The following ZNF618 variants were observed in gnomAD, a reference collection of about 807,000 sequenced individuals.
The protein encoded by ZNF618 is zinc finger protein 618.
A neutral mutation model predicts 103.0 loss-of-function variants in ZNF618; 34 were observed. The ratio of observed to expected loss-of-function variants is 0.33; its 90% CI spans 0.25 to 0.44. The LOEUF is 0.44. ZNF618 is among the 20% of genes least tolerant of loss of function. ZNF618 has a pLI of 1.00. For missense variants in ZNF618, 1,059 were observed against 1,295.4 expected, an observed-to-expected ratio of 0.82 and a Z score of 2.80; for synonymous variants, 551 against 542.2, an observed-to-expected ratio of 1.02 and a Z score of -0.23.
intron 1 of ZNF618, among the ~76,000 whole-genome samples, chr9:113,920,164 G>C (rs1026658021): frequency 2.0e-5 from 3 of 152,148 alleles, no homozygotes; most frequent in African/African-American, 4.8e-5. Context: ...CCAAGTTCCT[G>C]ACAGGCCTCA....
intron 10 of ZNF618, among the ~76,000 whole-genome samples, chr9:114,017,257 TG>T (rs1842725852): frequency 6.6e-6 from 1 of 152,004 alleles, no homozygotes; most frequent in African/African-American, 2.4e-5. Flanking sequence ...GCTAAGGAGG[TG>T]GCAGGAACCC....
rs1564325687 is a variant in ZNF618 at position 114,032,638 on chromosome 9, CA to C, written c.1085-6del. On this transcript the variant is annotated splice_polypyrimidine_tract_variant and splice_region_variant and intron_variant, in intron 11 of 14. Transcript: ENST00000374126. ...TGTTTTCTTTCTCTCTCCTGTCCCC[CA>C]CCCAGCAGAAAGCGCTTTCAGTCGG... 1 of 1,613,752 alleles carries C rather than the reference CA, an allele frequency of 6.2e-7. No homozygotes were observed. The highest frequency in any genetic ancestry group is 1.1e-5 in the South Asian group (1 of 91,082).
At position 114,016,683 on chromosome 9, in the gene ZNF618, C is replaced by T. The variant is rs770535459; in HGVS notation, c.755-12C>T. On this transcript the variant is annotated splice_polypyrimidine_tract_variant and intron_variant, in intron 9 of 14. Transcript: ENST00000374126. ...TTGCACATTCTTACACCTTCGTTTC[C>T]TTCCTGGACAGAAACTGGCAATTAC... 8.1e-6 allele frequency: 13 copies of T among 1,612,402 alleles called. No homozygotes were observed. In the Admixed American group the frequency reaches 2.0e-4, roughly 25 times the overall value.
intron 1 of ZNF618, among the ~76,000 whole-genome samples, chr9:113,926,928 A>G (rs568853962): frequency 2.2e-4 from 34 of 152,278 alleles, no homozygotes; most frequent in Non-Finnish European, 4.6e-4. Context: ...TGGGAGGATC[A>G]CTTGAGCCTG....
intron 11 of ZNF618, among the ~76,000 whole-genome samples, chr9:114,032,140 T>A (rs1008745768): frequency 2.0e-5 from 3 of 152,200 alleles, no homozygotes; most frequent in African/African-American, 7.2e-5. Flanking sequence ...ACCCCTGCTC[T>A]CCCTGTCACG....
chr9:114,037,861 A>G (rs944282205), intron 13 of ZNF618, among the ~76,000 whole-genome samples: 1 of 152,214 alleles, frequency 6.6e-6, no homozygotes, highest in Non-Finnish European at 1.5e-5. Context: ...AAATCAGGAC[A>G]GAGCTCTGGA....
intron 10 of ZNF618, among the ~76,000 whole-genome samples, chr9:114,021,767 T>C (rs987062205): frequency 3.3e-5 from 5 of 152,128 alleles, no homozygotes; most frequent in Admixed American, 1.3e-4. Context: ...CTAATCTGCT[T>C]CCTATTACTG....
At chr9:113,938,777 C>T (rs1036563263) in intron 1 of ZNF618, among the ~76,000 whole-genome samples, 2 of 151,898 alleles carry the variant, frequency 1.3e-5, no homozygotes, top group Non-Finnish European at 2.9e-5. Flanking sequence ...ATCATGTTGG[C>T]CAGGCTGGTC....
chr9:113,890,119 G>C (rs1022084132), intron 1 of ZNF618, among the ~76,000 whole-genome samples: 8 of 152,170 alleles, frequency 5.3e-5, no homozygotes, highest in African/African-American at 1.9e-4. Flanking sequence ...TTTGGTTTCT[G>C]AGTGTTAAAT....
At chr9:113,943,918 G>A (rs991103742) in intron 1 of ZNF618, among the ~76,000 whole-genome samples, 8 of 152,198 alleles carry the variant, frequency 5.3e-5, no homozygotes, top group African/African-American at 1.9e-4. Flanking sequence ...TTGCTTTGCT[G>A]TGATTCAGAG....
In ZNF618 at chr9:113,954,530, A is replaced by G. The variant is rs373372883; in HGVS notation, c.34-14587A>G. 1.7e-4 allele frequency among the ~76,000 whole-genome samples: 26 copies of G among 152,314 alleles called. No individual in the cohort carries two copies. In the East Asian group the frequency reaches 2.5e-3, roughly 15 times the overall value. ...CACTGGATAGTGCAGAGCATGGTGC[A>G]GTTCAAGACAAGGCAGTTCTTGCTG... On this transcript the variant is annotated intron_variant, in intron 1 of 14. Coordinates refer to ENST00000374126, the MANE Select transcript of ZNF618 (RefSeq NM_001318042.2).
chr9:114,048,040 C>G (rs747693953), intron 14 of ZNF618, 46 bp downstream of exon 14: 1 of 1,473,784 alleles, frequency 6.8e-7, no homozygotes, highest in South Asian at 1.2e-5. Flanking sequence ...CCCTTATGCT[C>G]CAGTTGTTCC....
intron 2 of ZNF618, among the ~76,000 whole-genome samples, chr9:113,987,837 G>A (rs1004030535): frequency 2.6e-5 from 4 of 152,162 alleles, no homozygotes; most frequent in African/African-American, 9.7e-5. Context: ...TCTCTAAAAA[G>A]GAAAAGAAAT....
intron 1 of ZNF618, among the ~76,000 whole-genome samples, chr9:113,966,000 G>C (rs1198632560): frequency 1.3e-5 from 2 of 152,126 alleles, no homozygotes; most frequent in Non-Finnish European, 2.9e-5. Context: ...GAAGACCCAT[G>C]GTCCACCCCA....
chr9:114,003,666 G>T (rs1303918667), intron 6 of ZNF618, among the ~76,000 whole-genome samples: 1 of 152,200 alleles, frequency 6.6e-6, no homozygotes, highest in Non-Finnish European at 1.5e-5. Flanking sequence ...ACTAATTATT[G>T]CCGGTAGAAG....
intron 1 of ZNF618, among the ~76,000 whole-genome samples, chr9:113,961,843 G>T (rs1485785944): frequency 6.6e-6 from 1 of 152,198 alleles, no homozygotes; most frequent in Non-Finnish European, 1.5e-5. Flanking sequence ...AGCTGCCTGT[G>T]CCTGAGTTGG....
intron 1 of ZNF618, among the ~76,000 whole-genome samples, chr9:113,964,994 T>A (rs1413491376): frequency 1.4e-5 from 2 of 147,794 alleles, no homozygotes; most frequent in Non-Finnish European, 3.0e-5. Context: ...TTTTGCTTCA[T>A]TCTGAAAAAA....
intron 1 of ZNF618, among the ~76,000 whole-genome samples, chr9:113,898,325 CCT>C (rs746045477): frequency 5.3e-5 from 8 of 152,094 alleles, no homozygotes; most frequent in East Asian, 1.9e-4. Context: ...TCGCCCTCCC[CCT>C]GTTTGCCTCA....
intron 10 of ZNF618, among the ~76,000 whole-genome samples, chr9:114,018,440 T>G (rs1481407593): frequency 6.6e-6 from 1 of 152,256 alleles, no homozygotes. Context: ...GAATGCACTT[T>G]CAGTGAGGTG....
Sources: allele counts gnomAD v4.1 joint callset (sites outside exome capture counted in the v4.1 genomes callset), GRCh38; gene constraint gnomAD v4.1.1; transcripts MANE v1.5; gene names NCBI Gene and HGNC (gene_info 2026-07-23, HGNC 2026-07-21).